MOSMO: variants seen among roughly 807,000 people sequenced by gnomAD.
MOSMO encodes modulator of smoothened protein.
A neutral mutation model predicts 18.4 loss-of-function variants in MOSMO; 5 were observed. That is an observed-to-expected ratio of 0.27 (90% confidence interval 0.14 to 0.57). The LOEUF (loss-of-function observed/expected upper bound fraction) is 0.57, where lower values mean the gene tolerates loss of function less well. MOSMO is among the 20% of genes least tolerant of loss of function. MOSMO has a pLI of 0.92. For missense variants in MOSMO, 138 were observed against 211.8 expected, an observed-to-expected ratio of 0.65 and a Z score of 2.16; for synonymous variants, 82 against 82.3, an observed-to-expected ratio of 1.00 and a Z score of 0.02.
At chr16:22,091,605 G>A (rs564246953), downstream of MOSMO, among the ~76,000 whole-genome samples, 20 of 152,182 alleles carry the variant, frequency 1.3e-4, no homozygotes, top group South Asian at 4.2e-4. Context: ...TGCCCAAGCT[G>A]ATCTCAAATT....
chr16:22,083,574 G>A lies in MOSMO; in HGVS notation c.*2694G>A. 1 of 438,400 alleles carries A rather than the reference G, an allele frequency of 2.3e-6. No individual in the cohort carries two copies. The highest frequency in any genetic ancestry group is 7.0e-5 in the East Asian group (1 of 14,278). 27.2% of individuals were successfully genotyped at this position (438,400 alleles called of 1,614,324 possible). On this transcript the variant is annotated 3_prime_UTR_variant, in exon 3 of 3. Transcript: ENST00000542527. ...ACTATAATAAGTACTATATAGTACA[G>A]TATTAATTTATAGCAGGAAATCGTA...
downstream of MOSMO, chr16:22,090,080 G>A (rs2141800957): frequency 6.6e-6 from 1 of 152,294 alleles, no homozygotes; most frequent in African/African-American, 2.4e-5. Context: ...GAGCTCGACA[G>A]AAGCCAGACT....
intron 1 of MOSMO, among the ~76,000 whole-genome samples, chr16:22,062,557 A>T (rs748173453): frequency 6.6e-6 from 1 of 152,094 alleles, no homozygotes; most frequent in Non-Finnish European, 1.5e-5. Flanking sequence ...GCCTTAAGTG[A>T]TCCTCCTGCC....
At chr16:22,027,138 G>A (rs1899892894) in intron 1 of MOSMO, among the ~76,000 whole-genome samples, 1 of 152,168 alleles carries the variant, frequency 6.6e-6, no homozygotes, top group South Asian at 2.1e-4. Context: ...TTGAAAAAGT[G>A]CTTTATATCA....
intron 1 of MOSMO, among the ~76,000 whole-genome samples, chr16:22,034,532 C>G (rs573478245): frequency 6.6e-6 from 1 of 152,066 alleles, no homozygotes. Context: ...TTTCACTCCT[C>G]TCTCCTTGCT....
chr16:22,057,331 G>A (rs1488454398), intron 1 of MOSMO, among the ~76,000 whole-genome samples: 1 of 152,224 alleles, frequency 6.6e-6, no homozygotes, highest in Non-Finnish European at 1.5e-5. Context: ...TCCTGAGGGA[G>A]GAACACTGTT....
intron 1 of MOSMO, among the ~76,000 whole-genome samples, chr16:22,053,939 A>G (rs1567509637): frequency 6.6e-6 from 1 of 152,228 alleles, no homozygotes; most frequent in Non-Finnish European, 1.5e-5. Flanking sequence ...TATATAGTAC[A>G]TATTCAAATT....
Position 22,022,578 on chromosome 16 carries a change from A to G in MOSMO, c.106+14171A>G, listed in dbSNP as rs927752195. On this transcript the variant is annotated intron_variant, in intron 1 of 2. Coordinates refer to ENST00000542527, the MANE Select transcript of MOSMO (RefSeq NM_001164579.2). ...TAACTGGGTTATGGATGTAATCTGTAGTCCTAGGGTAGATTTCCCTGACTG... is the reference window on the plus strand; with the variant it reads ...TAACTGGGTTATGGATGTAATCTGTGGTCCTAGGGTAGATTTCCCTGACTG... Among the ~76,000 whole-genome samples, 7 of 152,292 alleles carry G rather than the reference A, an allele frequency of 4.6e-5. No individual in the cohort carries two copies. The South Asian group carries it at 1.5e-3, about 32-fold the overall frequency.
chr16:22,064,996 A>G (rs1567512733), intron 1 of MOSMO, among the ~76,000 whole-genome samples: 1 of 152,236 alleles, frequency 6.6e-6, no homozygotes. Context: ...TGGCAGAGTC[A>G]TAGTGCCATA....
chr16:22,072,298 A>G (rs1900870281), intron 1 of MOSMO, among the ~76,000 whole-genome samples: 1 of 152,200 alleles, frequency 6.6e-6, no homozygotes, highest in Non-Finnish European at 1.5e-5. Context: ...TTAGCCTTGC[A>G]AATTCCCCCA....
At chr16:22,017,818 G>A (rs1032808746) in intron 1 of MOSMO, among the ~76,000 whole-genome samples, 7 of 152,128 alleles carry the variant, frequency 4.6e-5, no homozygotes, top group African/African-American at 1.4e-4. Flanking sequence ...GAGAATTCTT[G>A]CCAAATATGC....
In MOSMO at chr16:22,008,280, G is replaced by T; in HGVS notation, c.-22G>T. The stretch of plus-strand genomic sequence containing the variant: ...CCGCTGCCTGTCCGGGGCTCGGGGG[G>T]TGGGGGGAGCGGGGCGGGGAGATGG... On this transcript the variant is annotated 5_prime_UTR_variant, in exon 1 of 3. Transcript: ENST00000542527. 1 of 1,474,272 alleles carries T rather than the reference G, an allele frequency of 6.8e-7. No individual in the cohort carries two copies. Among genetic ancestry groups the T allele is most frequent in the Non-Finnish European group, 9.1e-7 (1 of 1,104,132 alleles). The allele number at this position is 1,474,272 out of a possible 1,614,324, so 91.3% of individuals were successfully genotyped here.
At chr16:22,065,501 T>C (rs1210260573) in intron 1 of MOSMO, among the ~76,000 whole-genome samples, 2 of 152,180 alleles carry the variant, frequency 1.3e-5, no homozygotes, top group East Asian at 3.8e-4. Context: ...AGGGAAGTAA[T>C]GTCCTGACTA....
chr16:22,090,376 T>G (rs1901278071), downstream of MOSMO: 1 of 152,222 alleles, frequency 6.6e-6, no homozygotes, highest in South Asian at 2.1e-4. Context: ...TTAAACCAGT[T>G]TGAGTTGGGT....
chr16:22,078,073 A>T (rs773145691), intron 2 of MOSMO, among the ~76,000 whole-genome samples: 1 of 152,096 alleles, frequency 6.6e-6, no homozygotes, highest in Non-Finnish European at 1.5e-5. Flanking sequence ...GGGGTTCCCT[A>T]TGGGGGCAAG....
At chr16:22,064,343 C>A (rs1900708677) in intron 1 of MOSMO, 1 of 456,318 alleles carries the variant, frequency 2.2e-6, no homozygotes, top group Non-Finnish European at 4.4e-6. Flanking sequence ...ACCAGTCTCA[C>A]CTTAATCCAG....
chr16:22,077,590 A>G (rs1210237039), intron 2 of MOSMO, among the ~76,000 whole-genome samples: 1 of 152,176 alleles, frequency 6.6e-6, no homozygotes, highest in Admixed American at 6.5e-5. Context: ...TGTGTGTTCC[A>G]TACATACATA....
chr16:22,073,452 A>G (rs1900899408), intron 1 of MOSMO, among the ~76,000 whole-genome samples: 1 of 151,904 alleles, frequency 6.6e-6, no homozygotes, highest in South Asian at 2.1e-4. Context: ...GATCAGGAGG[A>G]GTTTCCTGTT....
intron 1 of MOSMO, among the ~76,000 whole-genome samples, chr16:22,067,050 A>C (rs1567513146): frequency 6.6e-6 from 1 of 152,228 alleles, no homozygotes. Flanking sequence ...ATATCTAATA[A>C]AGAGATAGAA....
Sources: allele counts gnomAD v4.1 joint callset (sites outside exome capture counted in the v4.1 genomes callset), GRCh38; gene constraint gnomAD v4.1.1; transcripts MANE v1.5; gene names NCBI Gene and HGNC (gene_info 2026-07-23, HGNC 2026-07-21).